Variants in TMEM164 observed in about 807,000 individuals in gnomAD.
TMEM164 encodes RP13-360B22.2.
In TMEM164, 4 loss-of-function variants were observed where a neutral mutation model predicts 18.8. The ratio of observed to expected loss-of-function variants is 0.21; its 90% CI spans 0.10 to 0.49. TMEM164 has a LOEUF of 0.49. TMEM164 is among the 20% of genes least tolerant of loss of function. The probability of loss-of-function intolerance (pLI) is 0.98; values close to 1 mark genes in which losing one functional copy is unlikely to be tolerated. For missense variants in TMEM164, 108 were observed against 239.9 expected, an observed-to-expected ratio of 0.45 and a Z score of 3.63; for synonymous variants, 86 against 101.7, an observed-to-expected ratio of 0.85 and a Z score of 0.93.
At chrX:110,178,168 C>A (rs761548696), downstream of TMEM164, among the ~76,000 whole-genome samples, 1 of 112,650 alleles carries the variant, frequency 8.9e-6, no homozygotes, top group African/African-American at 3.2e-5. Flanking sequence ...TCAGCACAGG[C>A]CTGCACCCAG....
At chrX:110,086,366 T>C (rs1198985407) in intron 3 of TMEM164, among the ~76,000 whole-genome samples, 1 of 111,464 alleles carries the variant, frequency 9.0e-6, no homozygotes, top group Admixed American at 9.6e-5. Flanking sequence ...GATCTCTGTG[T>C]TTTAACTATT....
chrX:110,122,612 TA>T (rs902246342), intron 4 of TMEM164, among the ~76,000 whole-genome samples: 6 of 111,817 alleles, frequency 5.4e-5, no homozygotes, highest in East Asian at 2.8e-4. Flanking sequence ...AAATATCTGA[TA>T]AAAAAAGTTT....
chrX:110,124,172 A>AAGGAAGGAAGGCAGGCAGGC (rs1569339654), intron 4 of TMEM164, among the ~76,000 whole-genome samples: 12 of 83,982 alleles, frequency 1.4e-4, no homozygotes, highest in African/African-American at 5.2e-4. Flanking sequence ...GGAAGGAAGG[A>AAGGAAGGAAGGCAGGCAGGC]AGGAAGGCAG....
At chrX:110,058,052 G>A (rs1935932489) in intron 2 of TMEM164, among the ~76,000 whole-genome samples, 1 of 111,331 alleles carries the variant, frequency 9.0e-6, no homozygotes, top group Non-Finnish European at 1.9e-5. Context: ...TTTTTCCTAT[G>A]TTTTCTTCTA....
downstream of TMEM164, among the ~76,000 whole-genome samples, chrX:110,179,731 C>T (rs770357934): frequency 6.2e-5 from 7 of 112,083 alleles, no homozygotes; most frequent in Non-Finnish European, 1.1e-4. Context: ...CTCCCTCTTA[C>T]GTGATTCATT....
intron 2 of TMEM164, among the ~76,000 whole-genome samples, chrX:110,038,281 G>A (rs1326721312): frequency 9.0e-6 from 1 of 110,936 alleles, no homozygotes; most frequent in Non-Finnish European, 1.9e-5. Context: ...GTGAGCCACC[G>A]CGCCCGGCCT....
chrX:110,067,081 C>G (rs916547425), intron 2 of TMEM164, among the ~76,000 whole-genome samples: 2 of 110,019 alleles, frequency 1.8e-5, no homozygotes, highest in Admixed American at 9.7e-5. Flanking sequence ...AGACTGACTA[C>G]TTGTGTCGTA....
At chrX:110,166,975 T>G (rs1219955030) in intron 5 of TMEM164, among the ~76,000 whole-genome samples, 1 of 112,011 alleles carries the variant, frequency 8.9e-6, no homozygotes, top group Non-Finnish European at 1.9e-5. Flanking sequence ...TCTTTTTTTA[T>G]TTTTTCAAAA....
chrX:110,108,068 C>CTGTGTGTGTGTGTGTGTGTGTG lies in TMEM164; in HGVS notation c.441-975_441-954dup, dbSNP rs56714507. Among the ~76,000 whole-genome samples, 13 of 46,385 alleles carry CTGTGTGTGTGTGTGTGTGTGTG rather than the reference C, an allele frequency of 2.8e-4. 1 individual carries two copies. The highest frequency in any genetic ancestry group is 8.9e-4 in the African/African-American group (10 of 11,246). The allele number at this position is 46,385 out of a possible 115,157, so 40.3% of individuals were successfully genotyped here. Reference sequence around the variant, plus strand: ...TCCCAGCCAGGGCATAGGAGGTATGCTGTGTGTGTGTGTGTGTGTGTGTGT... The same window carrying CTGTGTGTGTGTGTGTGTGTGTG: ...TCCCAGCCAGGGCATAGGAGGTATGCTGTGTGTGTGTGTGTGTGTGTGTGTGTGTGTGTGTGTGTGTGTGTGT... On this transcript the variant is annotated intron_variant, in intron 3 of 6. Transcript: ENST00000372068.
intron 2 of TMEM164, among the ~76,000 whole-genome samples, chrX:110,056,317 A>G (rs754261776): frequency 9.0e-6 from 1 of 111,703 alleles, no homozygotes; most frequent in South Asian, 3.8e-4. Context: ...TTCACTTAGT[A>G]TGTTTTCGAG....
chrX:110,099,983 G>C (rs771520678), intron 3 of TMEM164, among the ~76,000 whole-genome samples: 1 of 111,833 alleles, frequency 8.9e-6, no homozygotes, highest in Non-Finnish European at 1.9e-5. Flanking sequence ...CAAAAATGTT[G>C]CTTTTCAATT....
downstream of TMEM164, among the ~76,000 whole-genome samples, chrX:110,178,016 G>C (rs949039332): frequency 8.9e-6 from 1 of 112,135 alleles, no homozygotes; most frequent in Non-Finnish European, 1.9e-5. Flanking sequence ...TTAGCAGAGG[G>C]CTTGTCTGCC....
At chrX:110,125,021 C>T (rs2066510038) in intron 4 of TMEM164, among the ~76,000 whole-genome samples, 1 of 112,332 alleles carries the variant, frequency 8.9e-6, no homozygotes, top group African/African-American at 3.2e-5. Context: ...CAGCAGAGCC[C>T]AGGCTTTTAA....
At chrX:110,069,115 G>C (rs2065545006) in intron 3 of TMEM164, among the ~76,000 whole-genome samples, 1 of 111,320 alleles carries the variant, frequency 9.0e-6, no homozygotes, top group Non-Finnish European at 1.9e-5. Context: ...ACATGATTTT[G>C]TATATACCCT....
rs190019652 is a variant in TMEM164, at chrX:110,007,975, A to G, written c.390+3811A>G. 2.7e-5 allele frequency among the ~76,000 whole-genome samples: 3 copies of G among 112,553 alleles called. No individual in the cohort carries two copies. In the East Asian group the frequency reaches 8.3e-4, roughly 31 times the overall value. ...TGTATCCAGGCTGGATATTTGGCAA[A>G]GAATAATTGGTGCTGTTGACCCCTT... On this transcript the variant is annotated intron_variant, in intron 2 of 6. Transcript: ENST00000372068.
intron 2 of TMEM164, among the ~76,000 whole-genome samples, chrX:110,016,391 C>T (rs765404658): frequency 1.6e-4 from 18 of 111,454 alleles, no homozygotes; most frequent in Non-Finnish European, 3.0e-4. Context: ...CAGCTGGTGC[C>T]CCTGATCATT....
chrX:110,095,393 T>C, intron 3 of TMEM164, among the ~76,000 whole-genome samples: 1 of 111,849 alleles, frequency 8.9e-6, no homozygotes, highest in Non-Finnish European at 1.9e-5. Flanking sequence ...TATTCTTTTT[T>C]CTCTAAACTT....
At chrX:110,183,186 G>C (rs2067329733), downstream of TMEM164, among the ~76,000 whole-genome samples, 2 of 112,363 alleles carry the variant, frequency 1.8e-5, no homozygotes, top group Admixed American at 1.9e-4. Context: ...GGCAGAGTCA[G>C]ATTTGCCCAT....
chrX:110,066,078 CTG>C (rs775498760), intron 2 of TMEM164, among the ~76,000 whole-genome samples: 25 of 111,776 alleles, frequency 2.2e-4, no homozygotes, highest in Non-Finnish European at 4.0e-4. Flanking sequence ...GGACTCCTGA[CTG>C]TGTTCTTTTT....
Sources: allele counts gnomAD v4.1 joint callset (sites outside exome capture counted in the v4.1 genomes callset), GRCh38; gene constraint gnomAD v4.1.1; transcripts MANE v1.5; gene names NCBI Gene and HGNC (gene_info 2026-07-23, HGNC 2026-07-21).